MACROD2: variants seen among roughly 807,000 people sequenced by gnomAD.
The protein encoded by MACROD2 is ADP-ribose glycohydrolase MACROD2.
Under a neutral mutation model 70.4 loss-of-function variants are expected in MACROD2, and 36 were observed. The observed-to-expected ratio is 0.51, with a 90% confidence interval of 0.39 to 0.68. The LOEUF (loss-of-function observed/expected upper bound fraction) is 0.68. MACROD2 is among the 30% of genes least tolerant of loss of function. MACROD2 has a pLI of 0.00. For missense variants in MACROD2, 496 were observed against 538.4 expected (o/e 0.92, Z 0.78); for synonymous variants, 172 against 178.8 (o/e 0.96, Z 0.30).
At chr20:15,940,259 CT>C (rs35217675) in intron 12 of MACROD2, among the ~76,000 whole-genome samples, 130,855 of 144,274 alleles carry the variant, frequency 0.91, 59,680 homozygotes, top group East Asian at 1. Context: ...CCTGGCTCTT[CT>C]TTTTTTTTTT....
intron 5 of MACROD2, among the ~76,000 whole-genome samples, chr20:14,732,843 GCA>G (rs1398494732): frequency 6.6e-6 from 1 of 152,006 alleles, no homozygotes; most frequent in Non-Finnish European, 1.5e-5. Context: ...AGCAAGCCAT[GCA>G]CTTTGTCCTC....
chr20:14,846,600 C>T (rs2073143954), intron 5 of MACROD2, among the ~76,000 whole-genome samples: 1 of 151,484 alleles, frequency 6.6e-6, no homozygotes, highest in Non-Finnish European at 1.5e-5. Context: ...TCAATGCAAG[C>T]TCTGCCTCCC....
chr20:14,860,546 G>C (rs1360134710), intron 5 of MACROD2, among the ~76,000 whole-genome samples: 2 of 152,198 alleles, frequency 1.3e-5, no homozygotes, highest in East Asian at 3.9e-4. Flanking sequence ...TGTGATCTGG[G>C]ACTCCTCCGG....
chr20:15,293,431 A>G (rs2077558753), intron 6 of MACROD2, among the ~76,000 whole-genome samples: 1 of 152,248 alleles, frequency 6.6e-6, no homozygotes, highest in Admixed American at 6.5e-5. Context: ...CTTATGTTCC[A>G]ATCCATATAT....
intron 15 of MACROD2, among the ~76,000 whole-genome samples, chr20:16,005,693 A>T (rs1346941730): frequency 6.6e-6 from 1 of 152,186 alleles, no homozygotes; most frequent in Admixed American, 6.5e-5. Flanking sequence ...TCTCCCTCAC[A>T]GCGTGTCTTT....
chr20:14,277,584 G>C (rs2082270560), intron 3 of MACROD2, among the ~76,000 whole-genome samples: 1 of 152,190 alleles, frequency 6.6e-6, no homozygotes, highest in South Asian at 2.1e-4. Flanking sequence ...ATGAAACATG[G>C]TGGGCTGAAG....
At chr20:13,998,029 C>T (rs140388462) in intron 1 of MACROD2, among the ~76,000 whole-genome samples, 3 of 152,038 alleles carry the variant, frequency 2.0e-5, no homozygotes, top group African/African-American at 2.4e-5. Context: ...ATTGAAATGT[C>T]AAGGCATTCT....
intron 3 of MACROD2, among the ~76,000 whole-genome samples, chr20:14,303,873 A>T (rs1478511368): frequency 6.6e-6 from 1 of 152,194 alleles, no homozygotes; most frequent in Admixed American, 6.5e-5. Context: ...CTAATGAAGG[A>T]TAGAGGGCAC....
intron 4 of MACROD2, among the ~76,000 whole-genome samples, chr20:14,557,689 A>G (rs994155261): frequency 1.7e-4 from 26 of 151,936 alleles, no homozygotes; most frequent in African/African-American, 6.3e-4. Context: ...ACTTTCATTC[A>G]GTAGGATAGC....
chr20:14,055,599 C>T (rs1198633930), intron 2 of MACROD2, among the ~76,000 whole-genome samples: 2 of 151,766 alleles, frequency 1.3e-5, no homozygotes, highest in African/African-American at 4.8e-5. Flanking sequence ...GGGCAAGTTA[C>T]CTGTCCAGAG....
chr20:14,061,874 A>G (rs1471490334), intron 2 of MACROD2, among the ~76,000 whole-genome samples: 2 of 152,104 alleles, frequency 1.3e-5, no homozygotes, highest in Non-Finnish European at 2.9e-5. Flanking sequence ...ATGTTAGTGA[A>G]CTTATATATA....
intron 4 of MACROD2, among the ~76,000 whole-genome samples, chr20:14,531,214 G>A (rs2123206605): frequency 6.6e-6 from 1 of 152,304 alleles, no homozygotes; most frequent in African/African-American, 2.4e-5. Flanking sequence ...ACCTGTGAAT[G>A]TGACCTTATT....
intron 4 of MACROD2, among the ~76,000 whole-genome samples, chr20:14,595,128 ACATCT>A (rs1314489445): frequency 1.3e-5 from 2 of 152,078 alleles, no homozygotes; most frequent in Non-Finnish European, 2.9e-5. Flanking sequence ...AATCAAATAA[ACATCT>A]CATTAGTAAT....
chr20:15,624,526 T>C (rs1324567872), intron 8 of MACROD2, among the ~76,000 whole-genome samples: 1 of 152,222 alleles, frequency 6.6e-6, no homozygotes, highest in Non-Finnish European at 1.5e-5. Context: ...CTATATATTA[T>C]ATTATGTGCA....
intron 3 of MACROD2, among the ~76,000 whole-genome samples, chr20:14,204,180 G>A (rs549203381): frequency 3.2e-4 from 48 of 152,208 alleles, no homozygotes; most frequent in Non-Finnish European, 6.0e-4. Flanking sequence ...TGGTGGGCAA[G>A]TAGCTCTCAG....
intron 8 of MACROD2, among the ~76,000 whole-genome samples, chr20:15,649,383 G>A (rs187064426): frequency 1.3e-5 from 2 of 152,030 alleles, no homozygotes; most frequent in East Asian, 3.9e-4. Context: ...CAGTTGGTAA[G>A]TTTAAAATTT....
chr20:14,529,177 G>A (rs1232400070), intron 4 of MACROD2, among the ~76,000 whole-genome samples: 1 of 152,128 alleles, frequency 6.6e-6, no homozygotes, highest in Non-Finnish European at 1.5e-5. Flanking sequence ...CACTGAAAAA[G>A]CCATCATGCT....
rs1480376693 is a variant in MACROD2 at position 14,009,209 on chromosome 20, A to G, written c.163+6805A>G. On this transcript the variant is annotated intron_variant, in intron 2 of 17. Transcript: ENST00000684519. ...GAATGGGAGAAAATTTTTATAATCT[A>G]TCCATCTGACAAAGGTCTTATATCC... Among the ~76,000 whole-genome samples the G allele has an allele frequency of 2.6e-5, 4 of 152,230 alleles. No individual in the cohort carries two copies. The East Asian group carries it at 5.8e-4, about 22-fold the overall frequency.
At chr20:14,298,708 C>T (rs2082449144) in intron 3 of MACROD2, among the ~76,000 whole-genome samples, 2 of 150,552 alleles carry the variant, frequency 1.3e-5, no homozygotes, top group South Asian at 2.1e-4. Context: ...ATTTGTGACT[C>T]ATGGGAGGAG....
Sources: allele counts gnomAD v4.1 joint callset (sites outside exome capture counted in the v4.1 genomes callset), GRCh38; gene constraint gnomAD v4.1.1; transcripts MANE v1.5; gene names NCBI Gene and HGNC (gene_info 2026-07-23, HGNC 2026-07-21).